The following XYLT1 variants were observed in gnomAD, a reference collection of about 807,000 sequenced individuals.
XYLT1 encodes the protein xylosyltransferase 1, also known as beta-D-xylosyltransferase 1.
In XYLT1, 36 loss-of-function variants were observed where a neutral mutation model predicts 91.3. The ratio of observed to expected loss-of-function variants is 0.39; its 90% CI spans 0.30 to 0.52. The LOEUF (loss-of-function observed/expected upper bound fraction) is 0.52. XYLT1 is among the 20% of genes least tolerant of loss of function. The probability of loss-of-function intolerance (pLI) is 0.68; values close to 1 mark genes in which losing one functional copy is unlikely to be tolerated. For synonymous variants in XYLT1, 588 were observed against 532.0 expected (o/e 1.11, Z -1.45); for missense variants, 1,242 against 1,284.5 (o/e 0.97, Z 0.51).
At chr16:17,434,491 T>C (rs1012916322) in intron 1 of XYLT1, among the ~76,000 whole-genome samples, 7 of 152,286 alleles carry the variant, frequency 4.6e-5, no homozygotes, top group Admixed American at 3.9e-4. Flanking sequence ...AAAAGTGAGC[T>C]ATAAACAAAA....
chr16:17,153,089 T>C (rs565743578), intron 6 of XYLT1, among the ~76,000 whole-genome samples: 1 of 152,206 alleles, frequency 6.6e-6, no homozygotes. Flanking sequence ...AAGATTCTTC[T>C]CATATCAACA....
intron 10 of XYLT1, among the ~76,000 whole-genome samples, chr16:17,119,124 A>G (rs983059149): frequency 6.6e-6 from 1 of 152,118 alleles, no homozygotes; most frequent in African/African-American, 2.4e-5. Flanking sequence ...CTCTGTGTGA[A>G]CAGGGGTTTT....
Position 17,208,882 on chromosome 16 carries a change from G to A in XYLT1, c.914-8228C>T, listed in dbSNP as rs188857369. Among the ~76,000 whole-genome samples, 636 of 152,114 alleles carry A rather than the reference G, an allele frequency of 4.2e-3. 7 individuals carry two copies. The highest frequency in any genetic ancestry group is 0.015 in the African/African-American group (610 of 41,498). Reference sequence around the variant, plus strand: ...TGAGACTACAGGTGCCCACCACCACGCCCGGCTAATTTTTTTGTATTTTTA... The same window carrying A: ...TGAGACTACAGGTGCCCACCACCACACCCGGCTAATTTTTTTGTATTTTTA... On this transcript the variant is annotated intron_variant, in intron 3 of 11. Transcript: ENST00000261381.
chr16:17,328,609 G>A (rs1399922156), intron 2 of XYLT1, among the ~76,000 whole-genome samples: 1 of 132,790 alleles, frequency 7.5e-6, no homozygotes, highest in Non-Finnish European at 1.6e-5. Context: ...GGCAAGAAAT[G>A]CAAGAGCAGA....
intron 2 of XYLT1, among the ~76,000 whole-genome samples, chr16:17,301,606 C>G (rs2034395769): frequency 6.6e-6 from 1 of 152,094 alleles, no homozygotes; most frequent in Admixed American, 6.6e-5. Flanking sequence ...GTACTCAGAA[C>G]AGCGTGAAGC....
Position 17,106,169 on chromosome 16 carries a change from A to C in XYLT1, c.*2526T>G, listed in dbSNP as rs1160237651. 3.9e-5 allele frequency: 6 copies of C among 152,234 alleles called. No individual in the cohort carries two copies. Among genetic ancestry groups the C allele is most frequent in the Non-Finnish European group, 5.9e-5 (4 of 68,060 alleles). The allele number at this position is 152,234 out of a possible 1,614,324, so 9.4% of individuals were successfully genotyped here. A position where few individuals can be genotyped will look rare whatever the true frequency, so the allele number is the denominator to read the frequency against. ...AAAAGGCAGACATGTTAGTGGGTGC[A>C]GGAGGGGCCCCATCTTGAAGTCTGC... On this transcript the variant is annotated 3_prime_UTR_variant, in exon 12 of 12. Transcript: ENST00000261381.
At position 17,138,463 on chromosome 16, in the gene XYLT1, G is replaced by A; in HGVS notation, c.1656C>T (p.Ile552=). Reference sequence around the variant, plus strand: ...AGCCCAGCTTGCGATTCCAGTTGGTGATGCGCAGGTTGTTGTCCACCATGG... The same window carrying A: ...AGCCCAGCTTGCGATTCCAGTTGGTAATGCGCAGGTTGTTGTCCACCATGG... ...CDTMVDNNLR[I]TNWNRKLGCK... is the part of the protein sequence containing the mutation. Residue 552 remains isoleucine, a synonymous_variant, in exon 8 of 12, where the codon ATC becomes ATT. Transcript: ENST00000261381. 1 of 1,614,194 alleles carries A rather than the reference G, an allele frequency of 6.2e-7. No individual in the cohort carries two copies. Among genetic ancestry groups the A allele is most frequent in the Non-Finnish European group, 8.5e-7 (1 of 1,180,020 alleles).
chr16:17,144,209 G>A (rs1447190639), intron 6 of XYLT1, among the ~76,000 whole-genome samples: 2 of 152,170 alleles, frequency 1.3e-5, no homozygotes, highest in Admixed American at 6.5e-5. Context: ...TCTGTGCCTG[G>A]CACACAGTAA....
chr16:17,449,841 G>A (rs1043139769), intron 1 of XYLT1, among the ~76,000 whole-genome samples: 5 of 152,116 alleles, frequency 3.3e-5, no homozygotes, highest in African/African-American at 7.2e-5. Context: ...TTTGGCCTTT[G>A]GATCTTAAAA....
Position 17,137,432 on chromosome 16 carries a change from C to T in XYLT1, c.1764+923G>A, listed in dbSNP as rs75319614. On this transcript the variant is annotated intron_variant, in intron 8 of 11. Coordinates refer to ENST00000261381, the MANE Select transcript of XYLT1 (RefSeq NM_022166.4). Reference sequence around the variant, plus strand: ...GTTAGTGGTTTGGGAAGTAGCATACCGTCTCTACACGGTGGCTCTAGTGAC... The same window carrying T: ...GTTAGTGGTTTGGGAAGTAGCATACTGTCTCTACACGGTGGCTCTAGTGAC... 6.0e-3 allele frequency: 915 copies of T among 152,216 alleles called. 36 individuals carry two copies. The East Asian group carries it at 0.072, about 12-fold the overall frequency. The allele number at this position is 152,216 out of a possible 1,614,324, so 9.4% of individuals were successfully genotyped here. A position where few individuals can be genotyped will look rare whatever the true frequency, so the allele number is the denominator to read the frequency against.
At chr16:17,181,210 A>C (rs2032059682) in intron 5 of XYLT1, among the ~76,000 whole-genome samples, 1 of 152,068 alleles carries the variant, frequency 6.6e-6, no homozygotes, top group Non-Finnish European at 1.5e-5. Context: ...CAGGGAGGGA[A>C]TATGGGGGCC....
chr16:17,275,777 TAAG>T (rs2033964004), intron 2 of XYLT1, among the ~76,000 whole-genome samples: 1 of 152,126 alleles, frequency 6.6e-6, no homozygotes, highest in Admixed American at 6.5e-5. Flanking sequence ...ACGGGGCACT[TAAG>T]GAGACAAATG....
intron 1 of XYLT1, among the ~76,000 whole-genome samples, chr16:17,405,560 G>C (rs986657343): frequency 6.6e-6 from 1 of 152,172 alleles, no homozygotes; most frequent in East Asian, 1.9e-4. Context: ...CCAGCTCCTG[G>C]CATCTTCCTC....
At chr16:17,235,628 G>T (rs1270729461) in intron 3 of XYLT1, among the ~76,000 whole-genome samples, 1 of 152,128 alleles carries the variant, frequency 6.6e-6, no homozygotes, top group Non-Finnish European at 1.5e-5. Flanking sequence ...ATACTGAGTG[G>T]GGAATTATGA....
intron 1 of XYLT1, among the ~76,000 whole-genome samples, chr16:17,383,462 G>C (rs1350373800): frequency 6.6e-6 from 1 of 151,840 alleles, no homozygotes; most frequent in Non-Finnish European, 1.5e-5. Flanking sequence ...TAACATTCAA[G>C]ATTCCTTGTG....
In XYLT1 at chr16:17,265,086, G is replaced by C. The variant is rs1432209116; in HGVS notation, c.403-5588C>G. Among the ~76,000 whole-genome samples, 10 of 152,326 alleles carry C rather than the reference G, an allele frequency of 6.6e-5. No homozygotes were observed. In the South Asian group the frequency reaches 1.7e-3, roughly 25 times the overall value. ...ACCTGTAGTCCCAGCTACTCAGGAGGCTGAGGCAGGAGAATCGCTTGAACC... is the reference window on the plus strand; with the variant it reads ...ACCTGTAGTCCCAGCTACTCAGGAGCCTGAGGCAGGAGAATCGCTTGAACC... On this transcript the variant is annotated intron_variant, in intron 2 of 11. Transcript: ENST00000261381.
intron 6 of XYLT1, among the ~76,000 whole-genome samples, chr16:17,155,900 G>T (rs993349999): frequency 2.6e-5 from 4 of 152,054 alleles, no homozygotes; most frequent in African/African-American, 9.7e-5. Flanking sequence ...AATGTACTCA[G>T]GCACCTAGAG....
chr16:17,152,303 G>T (rs936483608), intron 6 of XYLT1, among the ~76,000 whole-genome samples: 1 of 152,226 alleles, frequency 6.6e-6, no homozygotes, highest in African/African-American at 2.4e-5. Context: ...GTGCAGTTTT[G>T]TGTGGGTGCC....
At chr16:17,413,805 A>G (rs1444748434) in intron 1 of XYLT1, among the ~76,000 whole-genome samples, 1 of 152,120 alleles carries the variant, frequency 6.6e-6, no homozygotes, top group Non-Finnish European at 1.5e-5. Context: ...TCTTAGAGAT[A>G]GCAAAGGGCT....
Sources: allele counts gnomAD v4.1 joint callset (sites outside exome capture counted in the v4.1 genomes callset), GRCh38; gene constraint gnomAD v4.1.1; transcripts MANE v1.5; gene names NCBI Gene and HGNC (gene_info 2026-07-23, HGNC 2026-07-21).